CPVL: variants seen among roughly 807,000 people sequenced by gnomAD.
The protein encoded by CPVL is carboxypeptidase vitellogenic like, also known as probable serine carboxypeptidase CPVL.
A neutral mutation model predicts 63.7 loss-of-function variants in CPVL; 51 were observed. The observed-to-expected ratio is 0.80, with a 90% confidence interval of 0.64 to 1.01. The LOEUF is 1.01. Ranked by LOEUF, CPVL falls within the 50% of genes least tolerant of loss-of-function variation. The probability of loss-of-function intolerance (pLI) is 0.00; values close to 1 mark genes in which losing one functional copy is unlikely to be tolerated. For missense variants in CPVL, 530 were observed against 573.1 expected, an observed-to-expected ratio of 0.92 and a Z score of 0.77; for synonymous variants, 195 against 206.0, an observed-to-expected ratio of 0.95 and a Z score of 0.46.
chr7:29,003,014 C>T (rs1784809356), intron 12 of CPVL, among the ~76,000 whole-genome samples: 1 of 98,396 alleles, frequency 1.0e-5, no homozygotes, highest in South Asian at 3.2e-4. Context: ...GAAAAATTTC[C>T]AAAATTGACA....
In CPVL at chr7:29,092,605, AAAGC is replaced by A; in HGVS notation, c.542+14_542+17del. On this transcript the variant is annotated intron_variant, in intron 6 of 12. Transcript: ENST00000265394. Reference sequence around the variant, plus strand: ...TGTTTGGTCTTAGGAAAGCCAAGAGAAAGCAGGAGCATTTTACCTGTATAAATCC... The same window carrying A: ...TGTTTGGTCTTAGGAAAGCCAAGAGAAGGAGCATTTTACCTGTATAAATCC... The A allele has an allele frequency of 6.3e-7, 1 of 1,586,078 alleles. No homozygotes were observed. Among genetic ancestry groups the A allele is most frequent in the Non-Finnish European group, 8.7e-7 (1 of 1,154,686 alleles).
intron 2 of CPVL, among the ~76,000 whole-genome samples, chr7:29,117,082 C>A (rs1253633057): frequency 6.6e-6 from 1 of 152,082 alleles, no homozygotes; most frequent in Non-Finnish European, 1.5e-5. Flanking sequence ...CCCAGATGTA[C>A]CAGATTTTGA....
At chr7:29,146,401 C>A in intron 1 of CPVL, 28 bp downstream of exon 1, 1 of 888,272 alleles carries the variant, frequency 1.1e-6, no homozygotes, top group Non-Finnish European at 1.6e-6. Context: ...TGAGCTGGCA[C>A]GACCCACGCA....
In CPVL at chr7:29,084,403, G is replaced by A. The variant is rs186522940; in HGVS notation, c.609+2081C>T. 5.3e-5 allele frequency among the ~76,000 whole-genome samples: 8 copies of A among 152,258 alleles called. No homozygotes were observed. In the East Asian group the frequency reaches 1.2e-3, roughly 22 times the overall value. On this transcript the variant is annotated intron_variant, in intron 7 of 12. Transcript: ENST00000265394. ...CATTCAGGGTTCTGCTCATTATCTC[G>A]TCAGACAATCTTATCCAAAATAGCA...
At chr7:29,163,314 T>G (rs1446653228) in intron 5 of CPVL, among the ~76,000 whole-genome samples, 1 of 152,106 alleles carries the variant, frequency 6.6e-6, no homozygotes, top group Non-Finnish European at 1.5e-5. Flanking sequence ...GCTTATAGTT[T>G]TTATATTGAT....
chr7:29,107,183 C>T (rs1584280948), intron 3 of CPVL, among the ~76,000 whole-genome samples: 2 of 152,202 alleles, frequency 1.3e-5, no homozygotes, highest in South Asian at 2.1e-4. Context: ...ATAAGGTAGC[C>T]GTGGAAGTCA....
chr7:29,105,495 A>G (rs192890582), intron 3 of CPVL, among the ~76,000 whole-genome samples: 72 of 152,258 alleles, frequency 4.7e-4, no homozygotes, highest in African/African-American at 1.4e-3. Flanking sequence ...AGAAAGACTG[A>G]CTGCCTTTCC....
In CPVL at chr7:28,999,237, T is replaced by A. The variant is rs144256423; in HGVS notation, c.1321-3355A>T. 1.6e-3 allele frequency among the ~76,000 whole-genome samples: 250 copies of A among 152,034 alleles called. 3 individuals are homozygous for A. The East Asian group carries it at 0.042, about 26-fold the overall frequency. On this transcript the variant is annotated intron_variant, in intron 12 of 12. Coordinates refer to ENST00000265394, the MANE Select transcript of CPVL (RefSeq NM_031311.5). Reference sequence around the variant, plus strand: ...AAAAACAAACGAAAAAACAAAACAATGACTCTCAAATTTGAACGTGCATAA... The same window carrying A: ...AAAAACAAACGAAAAAACAAAACAAAGACTCTCAAATTTGAACGTGCATAA...
At chr7:29,042,136 C>T (rs529814260) in intron 11 of CPVL, among the ~76,000 whole-genome samples, 1 of 152,158 alleles carries the variant, frequency 6.6e-6, no homozygotes, top group East Asian at 1.9e-4. Flanking sequence ...GTTCATGAAG[C>T]TGGATTAAGG....
At chr7:29,028,692 T>C (rs1287251301) in intron 12 of CPVL, among the ~76,000 whole-genome samples, 6 of 151,146 alleles carry the variant, frequency 4.0e-5, no homozygotes, top group African/African-American at 1.2e-4. Context: ...GGGCCAGGCG[T>C]GGTGGCTCAA....
chr7:29,115,076 C>T (rs1315730929), intron 2 of CPVL, among the ~76,000 whole-genome samples: 1 of 152,172 alleles, frequency 6.6e-6, no homozygotes, highest in African/African-American at 2.4e-5. Context: ...GCAAGTTGCT[C>T]CATCTCTCTG....
In CPVL at chr7:29,092,827, C is replaced by T. The variant is rs548481028; in HGVS notation, c.463-125G>A. ...CCAAGCTCAGACTTCAGATTTTTGCCGTTGCCCCCCTATGCCTTTAGCCCT... is the reference window on the plus strand; with the variant it reads ...CCAAGCTCAGACTTCAGATTTTTGCTGTTGCCCCCCTATGCCTTTAGCCCT... On this transcript the variant is annotated intron_variant, in intron 5 of 12. Coordinates refer to ENST00000265394, the MANE Select transcript of CPVL (RefSeq NM_031311.5). 26 of 711,252 alleles carry T rather than the reference C, an allele frequency of 3.7e-5. No homozygotes were observed. The East Asian group carries it at 4.3e-4, about 12-fold the overall frequency. The allele number at this position is 711,252 out of a possible 1,614,324, so 44.1% of individuals were successfully genotyped here. A position where few individuals can be genotyped will look rare whatever the true frequency, so the allele number is the denominator to read the frequency against.
intron 1 of CPVL, among the ~76,000 whole-genome samples, chr7:29,135,576 C>T (rs1450610763): frequency 6.6e-6 from 1 of 152,158 alleles, no homozygotes; most frequent in African/African-American, 2.4e-5. Flanking sequence ...TCGTGATCCA[C>T]CCACCTCAGC....
At chr7:29,072,525 CAT>C (rs940671638) in intron 7 of CPVL, 102 bp from the exon 8 acceptor site, 15 of 1,305,812 alleles carry the variant, frequency 1.1e-5, no homozygotes, top group Admixed American at 5.6e-5. Context: ...AATCTTTCCA[CAT>C]GAGGTATACC....
chr7:29,065,786 G>C (rs2128566840), intron 10 of CPVL, among the ~76,000 whole-genome samples: 1 of 152,176 alleles, frequency 6.6e-6, no homozygotes, highest in Middle Eastern at 3.4e-3. Flanking sequence ...GGGAAATCAT[G>C]TTCATCAGAA....
At chr7:29,046,182 T>C (rs1018440541) in intron 11 of CPVL, among the ~76,000 whole-genome samples, 1 of 151,430 alleles carries the variant, frequency 6.6e-6, no homozygotes, top group African/African-American at 2.4e-5. Flanking sequence ...CCTCCCGGGT[T>C]CAAGCACTTC....
At chr7:29,120,179 T>C (rs1435752700) in intron 2 of CPVL, among the ~76,000 whole-genome samples, 1 of 152,190 alleles carries the variant, frequency 6.6e-6, no homozygotes, top group Non-Finnish European at 1.5e-5. Context: ...CCCAGCACTT[T>C]TGAAGGCTGA....
chr7:29,113,301 A>G (rs544090518), intron 2 of CPVL, among the ~76,000 whole-genome samples: 1 of 152,142 alleles, frequency 6.6e-6, no homozygotes, highest in South Asian at 2.1e-4. Context: ...GAAGGCAAAA[A>G]GCCTGTCACA....
chr7:28,997,102 G>C (rs1583912253), intron 12 of CPVL, among the ~76,000 whole-genome samples: 1 of 152,328 alleles, frequency 6.6e-6, no homozygotes, highest in Non-Finnish European at 1.5e-5. Context: ...AATATTCCAA[G>C]TAGAGGGAAA....
Sources: gnomAD v4.1 joint callset for allele counts (sites outside exome capture counted in the v4.1 genomes callset) on GRCh38, gnomAD v4.1.1 for gene constraint, MANE v1.5 for transcripts, NCBI Gene and HGNC (gene_info 2026-07-23, HGNC 2026-07-21) for gene names.